Variants in PREX1 observed in about 807,000 individuals in gnomAD.
The protein encoded by PREX1 is phosphatidylinositol-3,4,5-trisphosphate dependent Rac exchange factor 1, also known as phosphatidylinositol 3,4,5-trisphosphate-dependent Rac exchanger 1 protein.
A neutral mutation model predicts 198.3 loss-of-function variants in PREX1; 41 were observed. That is an observed-to-expected ratio of 0.21 (90% CI 0.16 to 0.27). The LOEUF (loss-of-function observed/expected upper bound fraction) is 0.27. PREX1 is among the 10% of genes least tolerant of loss of function. PREX1 has a pLI of 1.00. For synonymous variants in PREX1, 843 were observed against 887.2 expected (o/e 0.95, Z 0.89); for missense variants, 1,620 against 2,200.7 (o/e 0.74, Z 5.28).
chr20:48,733,110 T>C (rs2090042013), intron 4 of PREX1, among the ~76,000 whole-genome samples: 1 of 152,236 alleles, frequency 6.6e-6, no homozygotes, highest in Non-Finnish European at 1.5e-5. Context: ...AGATAGTGGT[T>C]TGAAAGGCTC....
At chr20:48,808,313 C>T (rs1165778075) in intron 1 of PREX1, among the ~76,000 whole-genome samples, 1 of 152,196 alleles carries the variant, frequency 6.6e-6, no homozygotes, top group Non-Finnish European at 1.5e-5. Context: ...CATTTATCAG[C>T]TCATGCAGTT....
At chr20:48,863,499 G>GT in the PREX1 span, among the ~76,000 whole-genome samples, 975 of 103,402 alleles carry the variant, frequency 9.4e-3, 3 homozygotes, top group Middle Eastern at 0.022. Flanking sequence ...GGGTTTTTTT[G>GT]TTTTTTTTTT....
chr20:48,820,265 G>A (rs1049403004), intron 1 of PREX1, among the ~76,000 whole-genome samples: 2 of 152,206 alleles, frequency 1.3e-5, no homozygotes, highest in East Asian at 1.9e-4. Context: ...GACTTCCTCC[G>A]GGAGGAGGGG....
chr20:48,759,833 G>A (rs1309208823), intron 1 of PREX1, among the ~76,000 whole-genome samples: 3 of 152,126 alleles, frequency 2.0e-5, no homozygotes, highest in African/African-American at 7.2e-5. Context: ...GCTCACACCT[G>A]TGAGCTCACA....
At chr20:48,708,834 T>C (rs1453587913) in intron 5 of PREX1, among the ~76,000 whole-genome samples, 1 of 152,072 alleles carries the variant, frequency 6.6e-6, no homozygotes, top group African/African-American at 2.4e-5. Context: ...AAGGAGGCAG[T>C]GTGTCTGGGG....
intron 20 of PREX1, 22 bp downstream of exon 20, chr20:48,653,338 GC>G: frequency 6.2e-7 from 1 of 1,606,332 alleles, no homozygotes; most frequent in Non-Finnish European, 8.5e-7. Flanking sequence ...TTCTTTGACG[GC>G]CCCGGTTTCC....
the PREX1 span, among the ~76,000 whole-genome samples, chr20:48,885,492 G>A: frequency 6.6e-6 from 1 of 152,138 alleles, no homozygotes; most frequent in Non-Finnish European, 1.5e-5. Context: ...AAGACAGGTT[G>A]GCAGTTTCTT....
upstream of PREX1, among the ~76,000 whole-genome samples, chr20:48,828,425 A>G (rs970643409): frequency 1.3e-5 from 2 of 152,028 alleles, no homozygotes; most frequent in African/African-American, 4.8e-5. Flanking sequence ...TGCTCGGGCC[A>G]AGTAAACACC....
At chr20:48,839,482 A>C in the PREX1 span, among the ~76,000 whole-genome samples, 2 of 152,242 alleles carry the variant, frequency 1.3e-5, no homozygotes, top group Non-Finnish European at 2.9e-5. Flanking sequence ...TCAAATGTTT[A>C]TGTAAATGGT....
chr20:48,686,570 G>A (rs1319245659), intron 10 of PREX1, among the ~76,000 whole-genome samples: 1 of 151,984 alleles, frequency 6.6e-6, no homozygotes, highest in Non-Finnish European at 1.5e-5. Context: ...GGCCCCAGGG[G>A]GCCCGGAAGC....
At chr20:48,880,363 G>C in the PREX1 span, among the ~76,000 whole-genome samples, 1 of 152,166 alleles carries the variant, frequency 6.6e-6, no homozygotes, top group Non-Finnish European at 1.5e-5. Flanking sequence ...AAACACCACA[G>C]ATGTTTATTT....
chr20:48,860,075 CAG>C, the PREX1 span, among the ~76,000 whole-genome samples: 1 of 152,142 alleles, frequency 6.6e-6, no homozygotes, highest in South Asian at 2.1e-4. Context: ...ATTTGTGCAA[CAG>C]TGTTCATAGC....
intron 3 of PREX1, among the ~76,000 whole-genome samples, chr20:48,743,025 C>G (rs1391568445): frequency 6.6e-6 from 1 of 152,200 alleles, no homozygotes; most frequent in Non-Finnish European, 1.5e-5. Flanking sequence ...AGCCCACCCC[C>G]TCCAGGAAGC....
chr20:48,678,613 C>T (rs934493814), intron 13 of PREX1, among the ~76,000 whole-genome samples: 1 of 152,186 alleles, frequency 6.6e-6, no homozygotes, highest in Non-Finnish European at 1.5e-5. Context: ...ACTACTGAAT[C>T]GTGGGGCAGT....
At chr20:48,643,383 C>T (rs761317817) in intron 27 of PREX1, among the ~76,000 whole-genome samples, 21 of 152,030 alleles carry the variant, frequency 1.4e-4, no homozygotes, top group Admixed American at 3.3e-4. Flanking sequence ...GCAGGAAAAT[C>T]GCTTGAACCC....
intron 3 of PREX1, among the ~76,000 whole-genome samples, chr20:48,743,544 G>A (rs144700689): frequency 5.9e-5 from 9 of 152,214 alleles, no homozygotes; most frequent in South Asian, 2.1e-4. Context: ...GCCCACCTGC[G>A]CCCCATTGTG....
the PREX1 span, among the ~76,000 whole-genome samples, chr20:48,858,728 TCTAA>T: frequency 1.3e-5 from 2 of 152,172 alleles, no homozygotes; most frequent in African/African-American, 4.8e-5. Context: ...CTTGTGAGGT[TCTAA>T]CTCTCTACCA....
At chr20:48,648,535 T>C (rs1368540695) in intron 25 of PREX1, among the ~76,000 whole-genome samples, 1 of 152,166 alleles carries the variant, frequency 6.6e-6, no homozygotes, top group Non-Finnish European at 1.5e-5. Flanking sequence ...CAGACCACAC[T>C]GCTCAACTGT....
chr20:48,784,821 C>G (rs1485928277), intron 1 of PREX1, among the ~76,000 whole-genome samples: 1 of 152,184 alleles, frequency 6.6e-6, no homozygotes, highest in Non-Finnish European at 1.5e-5. Context: ...CCACAGCTCC[C>G]TGTGTGTAGC....
Sources: allele counts gnomAD v4.1 joint callset (sites outside exome capture counted in the v4.1 genomes callset), GRCh38; gene constraint gnomAD v4.1.1; transcripts MANE v1.5; gene names NCBI Gene and HGNC (gene_info 2026-07-23, HGNC 2026-07-21).